The following CYB5R4 variants were observed in gnomAD, a reference collection of about 807,000 sequenced individuals.
The protein encoded by CYB5R4 is N-terminal cytochrome b5 and cytochrome b5 oxidoreductase domain-containing protein.
CYB5R4 carries 55 observed loss-of-function variants against 70.2 expected under a neutral mutation model. That is an observed-to-expected ratio of 0.78 (90% CI 0.63 to 0.98). The LOEUF (loss-of-function observed/expected upper bound fraction) is 0.98, where lower values mean the gene tolerates loss of function less well. Among genes scored for constraint, CYB5R4 ranks in the 50% least tolerant of loss-of-function variants. The pLI is 0.00. For synonymous variants in CYB5R4, 197 were observed against 199.5 expected (o/e 0.99, Z 0.11); for missense variants, 562 against 612.6 (o/e 0.92, Z 0.87).
intron 2 of CYB5R4, among the ~76,000 whole-genome samples, chr6:83,875,656 TGA>T (rs540189606): frequency 8.5e-5 from 13 of 152,304 alleles, no homozygotes; most frequent in Non-Finnish European, 1.2e-4. Flanking sequence ...AGGGTGTTCC[TGA>T]GAGTAAGAGG....
At chr6:83,909,787 G>C (rs1025263180) in intron 4 of CYB5R4, among the ~76,000 whole-genome samples, 1 of 152,114 alleles carries the variant, frequency 6.6e-6, no homozygotes, top group Admixed American at 6.6e-5. Flanking sequence ...TTGCTCTTCA[G>C]GGGGACATTT....
chr6:83,893,370 C>T (rs1295729249), intron 2 of CYB5R4, 152 bp from the exon 3 acceptor site: 3 of 549,366 alleles, frequency 5.5e-6, no homozygotes, highest in Non-Finnish European at 9.6e-6. Context: ...GATGAAATCT[C>T]AGATCCTTTA....
At chr6:83,912,374 G>A (rs887848543) in intron 4 of CYB5R4, among the ~76,000 whole-genome samples, 9 of 152,182 alleles carry the variant, frequency 5.9e-5, no homozygotes, top group African/African-American at 1.7e-4. Flanking sequence ...ATCAATAGAT[G>A]TTTATTAAAG....
intron 4 of CYB5R4, among the ~76,000 whole-genome samples, chr6:83,913,674 G>T (rs771798197): frequency 3.3e-5 from 5 of 152,072 alleles, no homozygotes; most frequent in Non-Finnish European, 7.4e-5. Flanking sequence ...GTTTCTTTTT[G>T]TATAAAACAA....
intron 4 of CYB5R4, among the ~76,000 whole-genome samples, chr6:83,910,793 A>G (rs563809238): frequency 3.3e-4 from 51 of 152,358 alleles, no homozygotes; most frequent in Middle Eastern, 3.4e-3. Context: ...GGGAGAAAAT[A>G]TGAACTTCTA....
chr6:83,937,663 G>A (rs2099469129), intron 12 of CYB5R4, among the ~76,000 whole-genome samples: 2 of 152,132 alleles, frequency 1.3e-5, no homozygotes, highest in South Asian at 4.1e-4. Context: ...GGGATTACAG[G>A]CACACACCAC....
chr6:83,872,373 C>T (rs1403340016), intron 2 of CYB5R4, among the ~76,000 whole-genome samples: 1 of 152,166 alleles, frequency 6.6e-6, no homozygotes, highest in Non-Finnish European at 1.5e-5. Context: ...GTAGGTCCTC[C>T]ATTTCACAGA....
chr6:83,914,494 T>C, intron 5 of CYB5R4, 46 bp downstream of exon 5: 6 of 1,430,094 alleles, frequency 4.2e-6, no homozygotes, highest in Non-Finnish European at 5.7e-6. Flanking sequence ...CACATGCTTA[T>C]GAATAGTATT....
chr6:83,872,659 C>T (rs1396303968), intron 2 of CYB5R4, among the ~76,000 whole-genome samples: 1 of 152,146 alleles, frequency 6.6e-6, no homozygotes, highest in African/African-American at 2.4e-5. Flanking sequence ...ATCACAGAAA[C>T]TTCAACCCTA....
At chr6:83,890,568 C>G (rs2099460976) in intron 2 of CYB5R4, among the ~76,000 whole-genome samples, 1 of 152,036 alleles carries the variant, frequency 6.6e-6, no homozygotes, top group Non-Finnish European at 1.5e-5. Flanking sequence ...ACACTTAGTT[C>G]GTAAAACAAC....
chr6:83,960,723 A>G lies in CYB5R4; in HGVS notation c.*845A>G, dbSNP rs2129146947. 1 of 152,354 alleles carries G rather than the reference A, an allele frequency of 6.6e-6. No individual in the cohort carries two copies. 9.4% of individuals were successfully genotyped at this position (152,354 alleles called of 1,614,324 possible). A position where few individuals can be genotyped will look rare whatever the true frequency, so the allele number is the denominator to read the frequency against. ...TTTAGTCCATCTAAATCAGCTGGAA[A>G]AATGAGGAACATTCTGCCTTGAATG... On this transcript the variant is annotated 3_prime_UTR_variant, in exon 16 of 16. Coordinates refer to ENST00000369681, the MANE Select transcript of CYB5R4 (RefSeq NM_016230.4).
At position 83,919,417 on chromosome 6, in the gene CYB5R4, A is replaced by C. The variant is rs2099466012; in HGVS notation, c.527A>C (p.Asp176Ala). Residue 176 changes from aspartate (D) to alanine (A), a missense_variant, in exon 7 of 16, where the codon GAC (aspartate) becomes GCC (alanine). Coordinates refer to ENST00000369681, the MANE Select transcript of CYB5R4 (RefSeq NM_016230.4). Reference sequence around the variant, plus strand: ...TACAGCTATGATTGGTTCCAAACAGACTCTTTAGTCACCATTGCCATATAT... The same window carrying C: ...TACAGCTATGATTGGTTCCAAACAGCCTCTTTAGTCACCATTGCCATATAT... ...SYPSYDWFQT[D>A]SLVTIAIYTK... 6.6e-7 allele frequency: 1 copy of C among 1,522,352 alleles called. No individual in the cohort carries two copies. Among genetic ancestry groups the C allele is most frequent in the Non-Finnish European group, 9.0e-7 (1 of 1,116,646 alleles). 94.3% of individuals were successfully genotyped at this position (1,522,352 alleles called of 1,614,324 possible). A position where few individuals can be genotyped will look rare whatever the true frequency, so the allele number is the denominator to read the frequency against.
intron 10 of CYB5R4, among the ~76,000 whole-genome samples, chr6:83,928,060 C>A (rs1288982618): frequency 6.6e-6 from 1 of 152,070 alleles, no homozygotes. Context: ...GGGTTAAAGA[C>A]CAAATATTAG....
intron 8 of CYB5R4, 100 bp downstream of exon 8, chr6:83,921,275 G>A (rs1404667821): frequency 1.6e-5 from 17 of 1,072,492 alleles, no homozygotes; most frequent in Non-Finnish European, 1.9e-5. Context: ...TTTATCTGCT[G>A]TTACCATTTT....
Position 83,961,667 on chromosome 6 carries a change from T to G in CYB5R4, c.*1789T>G, listed in dbSNP as rs1359464576. On this transcript the variant is annotated 3_prime_UTR_variant, in exon 16 of 16. Coordinates refer to ENST00000369681, the MANE Select transcript of CYB5R4 (RefSeq NM_016230.4). ...AAATTACCCAGTCTCAGGTAGTTCTTTATAGCAGTGTGAAAATAGACTAAT... is the reference window on the plus strand; with the variant it reads ...AAATTACCCAGTCTCAGGTAGTTCTGTATAGCAGTGTGAAAATAGACTAAT... The G allele has an allele frequency of 6.6e-6, 1 of 152,210 alleles. No homozygotes were observed. The highest frequency in any genetic ancestry group is 1.5e-5 in the Non-Finnish European group (1 of 68,086). 9.4% of individuals were successfully genotyped at this position (152,210 alleles called of 1,614,324 possible).
intron 12 of CYB5R4, 55 bp from the exon 13 acceptor site, chr6:83,940,001 T>C (rs939484940): frequency 1.5e-6 from 2 of 1,373,660 alleles, no homozygotes; most frequent in African/African-American, 2.9e-5. Context: ...GCTGGGTTTT[T>C]TGTTTTGTTT....
At chr6:83,905,705 T>C (rs1293870489) in intron 3 of CYB5R4, among the ~76,000 whole-genome samples, 1 of 152,040 alleles carries the variant, frequency 6.6e-6, no homozygotes, top group Non-Finnish European at 1.5e-5. Flanking sequence ...GGCCTCTTGG[T>C]GGCCTAGTTG....
In CYB5R4 at chr6:83,940,562, G is replaced by A; in HGVS notation, c.1307G>A (p.Trp436Ter). ...AATAAAACAGAAGATGATATAATTTGGAGAAGCCAATTGGAGAAATTAGCA... is the reference window on the plus strand; with the variant it reads ...AATAAAACAGAAGATGATATAATTTAGAGAAGCCAATTGGAGAAATTAGCA... ...FFNKTEDDIIWRSQLEKLAFK... is the reference protein window; with the variant it reads ...FFNKTEDDII Residue 436 changes from tryptophan to a stop codon, truncating the protein, a stop_gained, in exon 14 of 16, where the codon TGG becomes TAG. Transcript: ENST00000369681. LOFTEE classifies it high-confidence loss of function. The A allele has an allele frequency of 4.4e-6, 7 of 1,599,234 alleles. No individual in the cohort carries two copies. The highest frequency in any genetic ancestry group is 6.0e-6 in the Non-Finnish European group (7 of 1,175,568).
intron 10 of CYB5R4, among the ~76,000 whole-genome samples, chr6:83,929,973 C>G (rs2099467914): frequency 6.6e-6 from 1 of 152,048 alleles, no homozygotes; most frequent in Non-Finnish European, 1.5e-5. Context: ...CACAATAAAG[C>G]AAGTCACACA....
Sources: allele counts gnomAD v4.1 joint callset (sites outside exome capture counted in the v4.1 genomes callset), GRCh38; gene constraint gnomAD v4.1.1; transcripts MANE v1.5; gene names NCBI Gene and HGNC (gene_info 2026-07-23, HGNC 2026-07-21).